UBE2G1: variants seen among roughly 807,000 people sequenced by gnomAD.
UBE2G1 encodes the protein ubiquitin conjugating enzyme E2 G1, also known as ubiquitin-conjugating enzyme E2 G1.
UBE2G1 carries 5 observed loss-of-function variants against 22.7 expected under a neutral mutation model. The ratio of observed to expected loss-of-function variants is 0.22; its 90% CI spans 0.12 to 0.46. The LOEUF is 0.46. UBE2G1 is among the 20% of genes least tolerant of loss of function. UBE2G1 has a pLI of 0.99. For synonymous variants in UBE2G1, 74 were observed against 67.5 expected (o/e 1.10, Z -0.47); for missense variants, 88 against 203.9 (o/e 0.43, Z 3.46).
intron 1 of UBE2G1, among the ~76,000 whole-genome samples, chr17:4,312,123 G>A (rs191311824): frequency 9.2e-5 from 14 of 151,872 alleles, no homozygotes; most frequent in African/African-American, 3.1e-4. Flanking sequence ...GTGGGCGCCT[G>A]TAGTCCCAGC....
chr17:4,296,821 A>G lies in UBE2G1; in HGVS notation c.150-7T>C. ...CTTAAAAACACCACCTTCACTGGAA[A>G]AAAGAACAAAAAGAAGTTCTTGCCT... On this transcript the variant is annotated splice_polypyrimidine_tract_variant and splice_region_variant and intron_variant, in intron 2 of 5. Coordinates refer to ENST00000396981, the MANE Select transcript of UBE2G1 (RefSeq NM_003342.5). The G allele has an allele frequency of 6.2e-7, 1 of 1,610,442 alleles. No individual in the cohort carries two copies. The highest frequency in any genetic ancestry group is 8.5e-7 in the Non-Finnish European group (1 of 1,177,810).
intron 1 of UBE2G1, among the ~76,000 whole-genome samples, chr17:4,318,767 G>A (rs1405351312): frequency 6.6e-6 from 1 of 152,132 alleles, no homozygotes; most frequent in Non-Finnish European, 1.5e-5. Context: ...GGGCAAAAAA[G>A]TGATTCTCAG....
At chr17:4,274,322 C>T (rs1252404849) in intron 5 of UBE2G1, among the ~76,000 whole-genome samples, 3 of 151,980 alleles carry the variant, frequency 2.0e-5, no homozygotes, top group East Asian at 3.9e-4. Context: ...CTCAGCCTCC[C>T]GAGTAGCTGG....
chr17:4,285,287 G>C lies in UBE2G1; in HGVS notation c.427-2366C>G, dbSNP rs574905297. ...TAAAGAAAAGAACCTAAGTACAATG[G>C]GGAAAAAAAGAAAAGGAAAAAAGAA... is the stretch of plus-strand genomic sequence containing the variant. On this transcript the variant is annotated intron_variant, in intron 4 of 5. Transcript: ENST00000396981. 9.9e-5 allele frequency among the ~76,000 whole-genome samples: 15 copies of C among 151,712 alleles called. No homozygotes were observed. In the South Asian group the frequency reaches 2.7e-3, roughly 27 times the overall value.
chr17:4,306,075 T>C (rs1969246030), intron 2 of UBE2G1, among the ~76,000 whole-genome samples: 1 of 152,216 alleles, frequency 6.6e-6, no homozygotes, highest in Non-Finnish European at 1.5e-5. Context: ...AGCATAACAA[T>C]AACTTTCAAT....
At chr17:4,273,148 A>G (rs894768604) in intron 5 of UBE2G1, among the ~76,000 whole-genome samples, 10 of 152,234 alleles carry the variant, frequency 6.6e-5, no homozygotes, top group African/African-American at 2.2e-4. Flanking sequence ...AGTCAAGAAC[A>G]CATCTACATA....
chr17:4,365,244 G>A, intron 1 of UBE2G1, among the ~76,000 whole-genome samples: 1 of 152,212 alleles, frequency 6.6e-6, no homozygotes, highest in East Asian at 1.9e-4. Context: ...TGTACAGCAG[G>A]GGTAAGTGCT....
At chr17:4,316,034 A>G (rs1233932771) in intron 1 of UBE2G1, among the ~76,000 whole-genome samples, 1 of 151,630 alleles carries the variant, frequency 6.6e-6, no homozygotes, top group Non-Finnish European at 1.5e-5. Context: ...CGATCTCCTG[A>G]TCTCGTGATC....
At chr17:4,276,473 T>C (rs1968823290) in intron 5 of UBE2G1, among the ~76,000 whole-genome samples, 1 of 152,196 alleles carries the variant, frequency 6.6e-6, no homozygotes, top group Admixed American at 6.5e-5. Flanking sequence ...CTGAAGTTTT[T>C]AATGTGGTTT....
At chr17:4,277,714 CCAGA>C (rs1280980194) in intron 5 of UBE2G1, among the ~76,000 whole-genome samples, 1 of 152,060 alleles carries the variant, frequency 6.6e-6, no homozygotes, top group African/African-American at 2.4e-5. Flanking sequence ...TCAGTTCAGC[CCAGA>C]CAGACAATAC....
chr17:4,343,951 A>T (rs981123765), intron 1 of UBE2G1, among the ~76,000 whole-genome samples: 10 of 152,124 alleles, frequency 6.6e-5, no homozygotes, highest in African/African-American at 2.2e-4. Context: ...GTTGCAACAG[A>T]TACAAACTCT....
chr17:4,287,039 A>G (rs1968972008), intron 4 of UBE2G1, among the ~76,000 whole-genome samples: 1 of 152,092 alleles, frequency 6.6e-6, no homozygotes, highest in African/African-American at 2.4e-5. Context: ...CATCAGAGCA[A>G]GACTCTGTCT....
intron 5 of UBE2G1, among the ~76,000 whole-genome samples, chr17:4,279,197 C>T (rs1968853699): frequency 6.6e-6 from 1 of 151,246 alleles, no homozygotes; most frequent in African/African-American, 2.4e-5. Context: ...ATTGCTTGAA[C>T]CTGGGAGGCG....
intron 1 of UBE2G1, among the ~76,000 whole-genome samples, chr17:4,347,330 T>G (rs992101300): frequency 3.9e-5 from 6 of 152,244 alleles, no homozygotes; most frequent in Admixed American, 3.3e-4. Context: ...CAGGCACATC[T>G]TGTTTTAATG....
chr17:4,332,673 C>T (rs962574200), intron 1 of UBE2G1, among the ~76,000 whole-genome samples: 13 of 152,134 alleles, frequency 8.5e-5, no homozygotes, highest in African/African-American at 2.4e-4. Context: ...TGCCACCTCC[C>T]TCCAGCGTTC....
At chr17:4,313,046 A>T (rs1179880446) in intron 1 of UBE2G1, among the ~76,000 whole-genome samples, 1 of 152,242 alleles carries the variant, frequency 6.6e-6, no homozygotes, top group Admixed American at 6.5e-5. Context: ...TTAATGGAAA[A>T]GGCTGAAAGA....
At chr17:4,353,812 ATTTTTTT>A (rs11437680) in intron 1 of UBE2G1, among the ~76,000 whole-genome samples, 6 of 104,846 alleles carry the variant, frequency 5.7e-5, no homozygotes, top group African/African-American at 8.2e-5. Flanking sequence ...GCCCGGTCAA[ATTTTTTT>A]TTTTTTTTTT....
At chr17:4,309,173 T>G (rs961988590) in intron 1 of UBE2G1, among the ~76,000 whole-genome samples, 3 of 152,166 alleles carry the variant, frequency 2.0e-5, no homozygotes, top group Non-Finnish European at 4.4e-5. Context: ...GACAGGAGGA[T>G]CACTTGAACT....
intron 1 of UBE2G1, among the ~76,000 whole-genome samples, chr17:4,360,505 C>T (rs1969954457): frequency 6.6e-6 from 1 of 152,190 alleles, no homozygotes; most frequent in African/African-American, 2.4e-5. Flanking sequence ...ATGATAGTCA[C>T]TGGATTATCA....
Sources: gnomAD v4.1 joint callset for allele counts (sites outside exome capture counted in the v4.1 genomes callset) on GRCh38, gnomAD v4.1.1 for gene constraint, MANE v1.5 for transcripts, NCBI Gene and HGNC (gene_info 2026-07-23, HGNC 2026-07-21) for gene names.